The following ADAMTS18 variants were observed in gnomAD, a reference collection of about 807,000 sequenced individuals.
The protein encoded by ADAMTS18 is A disintegrin and metalloproteinase with thrombospondin motifs 18.
ADAMTS18 carries 157 observed loss-of-function variants against 165.9 expected under a neutral mutation model. The observed-to-expected ratio is 0.95, with a 90% CI of 0.83 to 1.08. ADAMTS18 has a LOEUF of 1.08. ADAMTS18 is among the 50% of genes least tolerant of loss of function. The pLI is 0.00. For missense variants in ADAMTS18, 2,040 were observed against 1,534.0 expected (o/e 1.33, Z -5.51); for synonymous variants, 782 against 578.2 (o/e 1.35, Z -5.06).
chr16:77,300,553 A>G, intron 16 of ADAMTS18, 149 bp from the exon 17 acceptor site: 1 of 934,258 alleles, frequency 1.1e-6, no homozygotes. Flanking sequence ...TTTTATGTTG[A>G]CTTAAAGCTT....
chr16:77,287,082 C>A (rs1005089783), intron 22 of ADAMTS18, among the ~76,000 whole-genome samples: 2 of 152,110 alleles, frequency 1.3e-5, no homozygotes, highest in East Asian at 1.9e-4. Context: ...GAATGGTCTT[C>A]TCTAGGGTCT....
At chr16:77,339,682 T>C (rs772455560) in intron 11 of ADAMTS18, among the ~76,000 whole-genome samples, 1 of 152,108 alleles carries the variant, frequency 6.6e-6, no homozygotes, top group Non-Finnish European at 1.5e-5. Flanking sequence ...GAGCACTATT[T>C]ATATTTTAAA....
At chr16:77,304,466 C>T (rs2055646139) in intron 16 of ADAMTS18, among the ~76,000 whole-genome samples, 1 of 152,158 alleles carries the variant, frequency 6.6e-6, no homozygotes, top group African/African-American at 2.4e-5. Context: ...GTCTCAAAAA[C>T]AAAAACAATC....
At chr16:77,425,289 G>A (rs571743911) in intron 3 of ADAMTS18, among the ~76,000 whole-genome samples, 2 of 152,258 alleles carry the variant, frequency 1.3e-5, no homozygotes, top group South Asian at 2.1e-4. Context: ...AGGGGAAACC[G>A]AGTGACAAAA....
chr16:77,434,717 C>T lies in ADAMTS18; in HGVS notation c.-22G>A. The T allele has an allele frequency of 6.3e-6, 9 of 1,427,928 alleles. No individual in the cohort carries two copies. The highest frequency in any genetic ancestry group is 3.1e-5 in the East Asian group (1 of 31,856). 88.5% of individuals were successfully genotyped at this position (1,427,928 alleles called of 1,614,324 possible). On this transcript the variant is annotated 5_prime_UTR_variant, in exon 1 of 23. Coordinates refer to ENST00000282849, the MANE Select transcript of ADAMTS18 (RefSeq NM_199355.4). ...CCATGGTCAGGTGCGGACGCGGCGG[C>T]TGCGGGTGGCCAGACGCGGCAGGCG...
chr16:77,387,625 C>A (rs962464300), intron 3 of ADAMTS18, among the ~76,000 whole-genome samples: 1 of 152,064 alleles, frequency 6.6e-6, no homozygotes. Flanking sequence ...TGTAATGAGG[C>A]GATTACAAGC....
intron 22 of ADAMTS18, among the ~76,000 whole-genome samples, chr16:77,288,201 T>C (rs1274912815): frequency 6.6e-6 from 1 of 152,116 alleles, no homozygotes; most frequent in African/African-American, 2.4e-5. Flanking sequence ...CAGGAGATAC[T>C]GTTGGGCAAT....
chr16:77,358,414 T>C (rs1190149391), intron 8 of ADAMTS18, among the ~76,000 whole-genome samples: 2 of 152,022 alleles, frequency 1.3e-5, no homozygotes, highest in East Asian at 1.9e-4. Flanking sequence ...CTATAAAAAT[T>C]AGCCAGGCAT....
intron 8 of ADAMTS18, among the ~76,000 whole-genome samples, chr16:77,358,398 C>T (rs2056662911): frequency 6.6e-6 from 1 of 152,082 alleles, no homozygotes; most frequent in African/African-American, 2.4e-5. Context: ...CTCATCTGTA[C>T]TAAAACTATA....
At chr16:77,419,146 C>G (rs543239381) in intron 3 of ADAMTS18, among the ~76,000 whole-genome samples, 6 of 101,338 alleles carry the variant, frequency 5.9e-5, no homozygotes, top group Non-Finnish European at 1.0e-4. Context: ...TAGACTCCAT[C>G]TCAGGGGGAA....
At chr16:77,395,375 G>A (rs948540638) in intron 3 of ADAMTS18, among the ~76,000 whole-genome samples, 1 of 152,112 alleles carries the variant, frequency 6.6e-6, no homozygotes, top group Non-Finnish European at 1.5e-5. Flanking sequence ...CTCCATCATG[G>A]TAGCCTCATT....
intron 12 of ADAMTS18, among the ~76,000 whole-genome samples, chr16:77,335,037 A>T (rs1057380914): frequency 6.9e-6 from 1 of 145,582 alleles, no homozygotes. Flanking sequence ...CTATATATTA[A>T]TAGTAATTAT....
chr16:77,346,416 A>G (rs1408898014), intron 10 of ADAMTS18, among the ~76,000 whole-genome samples: 2 of 152,326 alleles, frequency 1.3e-5, no homozygotes, highest in African/African-American at 4.8e-5. Context: ...TGTATTTTAA[A>G]ATAGTCTTCA....
At chr16:77,309,017 A>G (rs1482234721) in intron 16 of ADAMTS18, among the ~76,000 whole-genome samples, 1 of 152,224 alleles carries the variant, frequency 6.6e-6, no homozygotes, top group African/African-American at 2.4e-5. Flanking sequence ...CTACCTTTTA[A>G]ATCTTCTGGA....
intron 3 of ADAMTS18, among the ~76,000 whole-genome samples, chr16:77,409,037 T>G (rs1362619194): frequency 6.6e-6 from 1 of 152,158 alleles, no homozygotes; most frequent in African/African-American, 2.4e-5. Flanking sequence ...ATCATAAGTA[T>G]GTGTATATAT....
intron 16 of ADAMTS18, among the ~76,000 whole-genome samples, chr16:77,319,453 T>C (rs2055947631): frequency 6.6e-6 from 1 of 152,182 alleles, no homozygotes. Context: ...TTTGTTGTTG[T>C]TGTTGTTTTG....
At chr16:77,409,719 A>G (rs1033223811) in intron 3 of ADAMTS18, among the ~76,000 whole-genome samples, 1 of 152,162 alleles carries the variant, frequency 6.6e-6, no homozygotes, top group African/African-American at 2.4e-5. Flanking sequence ...GCTCAGCTAA[A>G]AGCTAGGCTA....
At chr16:77,413,649 C>A (rs1265867495) in intron 3 of ADAMTS18, among the ~76,000 whole-genome samples, 2 of 151,918 alleles carry the variant, frequency 1.3e-5, no homozygotes, top group Non-Finnish European at 2.9e-5. Flanking sequence ...ATTTTTAAAA[C>A]TATAATTGCT....
intron 3 of ADAMTS18, among the ~76,000 whole-genome samples, chr16:77,416,425 G>C (rs550662030): frequency 6.6e-6 from 1 of 152,260 alleles, no homozygotes; most frequent in African/African-American, 2.4e-5. Context: ...ACATGTCAAG[G>C]GCAGGGCCAG....
Sources: gnomAD v4.1 joint callset for allele counts (sites outside exome capture counted in the v4.1 genomes callset) on GRCh38, gnomAD v4.1.1 for gene constraint, MANE v1.5 for transcripts, NCBI Gene and HGNC (gene_info 2026-07-23, HGNC 2026-07-21) for gene names.